Variants in IFT74 observed in about 807,000 individuals in gnomAD.
The protein encoded by IFT74 is intraflagellar transport protein 74 homolog.
In IFT74, 92 loss-of-function variants were observed where a neutral mutation model predicts 96.7. That is an observed-to-expected ratio of 0.95 (90% CI 0.80 to 1.13). The LOEUF is 1.13. Ranked by LOEUF, IFT74 falls within the 50% of genes most tolerant of loss-of-function variation. The pLI is 0.00. For synonymous variants in IFT74, 223 were observed against 213.2 expected (o/e 1.05, Z -0.40); for missense variants, 811 against 698.2 (o/e 1.16, Z -1.82).
chr9:27,022,441 T>C (rs1350628198), intron 12 of IFT74, among the ~76,000 whole-genome samples: 1 of 152,192 alleles, frequency 6.6e-6, no homozygotes, highest in African/African-American at 2.4e-5. Context: ...TTTCACAATA[T>C]TGATTCTAGC....
intron 6 of IFT74, among the ~76,000 whole-genome samples, chr9:26,988,206 C>T (rs1391310110): frequency 6.6e-6 from 1 of 152,104 alleles, no homozygotes; most frequent in Non-Finnish European, 1.5e-5. Flanking sequence ...CCCGCGTCAG[C>T]CTCCCAAAGT....
chr9:26,961,904 T>C (rs1256588648), intron 1 of IFT74, 45 bp from the exon 2 acceptor site: 1 of 1,594,020 alleles, frequency 6.3e-7, no homozygotes, highest in Non-Finnish European at 8.6e-7. Flanking sequence ...ATTGTCTTGC[T>C]AGAGAAGACA....
At chr9:26,976,269 G>A (rs1827122437) in intron 2 of IFT74, among the ~76,000 whole-genome samples, 4 of 152,148 alleles carry the variant, frequency 2.6e-5, no homozygotes, top group Admixed American at 2.0e-4. Context: ...CAAGCCCCCA[G>A]AATTGTTAGA....
rs780800808 is a variant in IFT74, at chr9:27,065,149, G to C, written c.*2413G>C. On this transcript the variant is annotated 3_prime_UTR_variant, in exon 20 of 20. Transcript: ENST00000380062. Reference sequence around the variant, plus strand: ...AAAAAATTTCTTGACAAAAAGCAAGGCTTTCAATTTCCATCCTAATTTATT... The same window carrying C: ...AAAAAATTTCTTGACAAAAAGCAAGCCTTTCAATTTCCATCCTAATTTATT... 5.3e-5 allele frequency among the ~76,000 whole-genome samples: 8 copies of C among 152,238 alleles called. No individual in the cohort carries two copies. Among genetic ancestry groups the C allele is most frequent in the South Asian group, 2.1e-4 (1 of 4,832 alleles).
chr9:27,012,162 C>G (rs1027213221), intron 10 of IFT74, among the ~76,000 whole-genome samples, 194 bp downstream of exon 10: 1 of 152,084 alleles, frequency 6.6e-6, no homozygotes, highest in African/African-American at 2.4e-5. Flanking sequence ...TATTGAGTAC[C>G]TACTATGTAT....
chr9:27,041,406 C>T (rs1819472193), intron 13 of IFT74, among the ~76,000 whole-genome samples: 1 of 152,132 alleles, frequency 6.6e-6, no homozygotes, highest in Non-Finnish European at 1.5e-5. Flanking sequence ...CTGTCTTACT[C>T]AGTTTGATAT....
rs1820120317 is a variant in IFT74, at chr9:27,055,494, A to G, written c.1334-115A>G. On this transcript the variant is annotated intron_variant, in intron 16 of 19. Coordinates refer to ENST00000380062, the MANE Select transcript of IFT74 (RefSeq NM_025103.4). ...TTATCTCACTGGTTACAGTGAACAT[A>G]TATTTCTTTTACAGATATTCTTAAA... is the stretch of plus-strand genomic sequence containing the variant. The G allele has an allele frequency of 1.6e-5, 11 of 701,094 alleles. No homozygotes were observed. In the East Asian group the frequency reaches 3.6e-4, roughly 23 times the overall value. The allele number at this position is 701,094 out of a possible 1,614,324, so 43.4% of individuals were successfully genotyped here.
intron 12 of IFT74, among the ~76,000 whole-genome samples, chr9:27,019,417 T>C (rs1829496300): frequency 6.6e-6 from 1 of 152,164 alleles, no homozygotes; most frequent in East Asian, 1.9e-4. Flanking sequence ...ATGCTTTCAC[T>C]TAGCACAGTG....
At chr9:27,000,800 T>A (rs149483120) in intron 8 of IFT74, among the ~76,000 whole-genome samples, 81 of 152,304 alleles carry the variant, frequency 5.3e-4, no homozygotes, top group Admixed American at 7.8e-4. Context: ...GTAACAAACC[T>A]GCATAACCTG....
At position 27,008,868 on chromosome 9, in the gene IFT74, A is replaced by AT. The variant is rs553248835; in HGVS notation, c.588-146dup. On this transcript the variant is annotated intron_variant, in intron 8 of 19. Coordinates refer to ENST00000380062, the MANE Select transcript of IFT74 (RefSeq NM_025103.4). The stretch of plus-strand genomic sequence containing the variant: ...CCAAATTTTATATAGGTCAAATAGC[A>AT]TTTTTTAGTACAAATATAAAGACTT... The AT allele has an allele frequency of 1.8e-3, 1,027 of 568,058 alleles. 4 individuals carry two copies. Among genetic ancestry groups the AT allele is most frequent in the Non-Finnish European group, 2.6e-3 (903 of 348,276 alleles). 35.2% of individuals were successfully genotyped at this position (568,058 alleles called of 1,614,324 possible). A position where few individuals can be genotyped will look rare whatever the true frequency, so the allele number is the denominator to read the frequency against.
intron 1 of IFT74, among the ~76,000 whole-genome samples, chr9:26,948,448 A>AATTTTTTTTT (rs1825819227): frequency 1.7e-5 from 1 of 59,162 alleles, no homozygotes; most frequent in Non-Finnish European, 3.8e-5. Context: ...GCTTTCCATT[A>AATTTTTTTTT]TTTTTTTTTT....
chr9:27,013,455 A>G (rs1270729657), intron 10 of IFT74, among the ~76,000 whole-genome samples: 2 of 152,222 alleles, frequency 1.3e-5, no homozygotes, highest in Non-Finnish European at 2.9e-5. Context: ...AAAGGTATAC[A>G]GTTTAAAAAT....
chr9:27,048,069 A>C (rs1041581360), intron 15 of IFT74, 79 bp from the exon 16 acceptor site: 1 of 937,474 alleles, frequency 1.1e-6, no homozygotes, highest in Non-Finnish European at 1.5e-6. Flanking sequence ...TCATCCTTTG[A>C]CAGTGTTTTC....
At chr9:26,996,173 C>A in intron 8 of IFT74, 1 of 602,196 alleles carries the variant, frequency 1.7e-6, no homozygotes, top group East Asian at 3.1e-5. Context: ...TTTGGAAGAG[C>A]AATATTTTGT....
At chr9:26,950,187 C>T (rs1825886641) in intron 1 of IFT74, among the ~76,000 whole-genome samples, 2 of 152,068 alleles carry the variant, frequency 1.3e-5, no homozygotes, top group Non-Finnish European at 2.9e-5. Context: ...TGGCACGCGC[C>T]TGTAGTCCCA....
At chr9:27,045,632 A>AT (rs1184125774) in intron 14 of IFT74, among the ~76,000 whole-genome samples, 1 of 152,096 alleles carries the variant, frequency 6.6e-6, no homozygotes, top group Admixed American at 6.5e-5. Context: ...TACATTTATA[A>AT]TTTTTTTAAA....
intron 18 of IFT74, among the ~76,000 whole-genome samples, chr9:27,058,427 C>T (rs1820270644): frequency 6.6e-6 from 1 of 150,840 alleles, no homozygotes; most frequent in African/African-American, 2.4e-5. Flanking sequence ...CTCTTGTCAC[C>T]CAGGCTGGAG....
rs146241894 is a variant in IFT74 at position 27,033,643 on chromosome 9, A to G, written c.1054+4539A>G. Among the ~76,000 whole-genome samples, 12 of 151,480 alleles carry G rather than the reference A, an allele frequency of 7.9e-5. No homozygotes were observed. In the East Asian group the frequency reaches 2.1e-3, roughly 27 times the overall value. On this transcript the variant is annotated intron_variant, in intron 13 of 19. Coordinates refer to ENST00000380062, the MANE Select transcript of IFT74 (RefSeq NM_025103.4). ...CTTCTGACAACCATTAGCTACCCCT[A>G]TGATTGTTGTTACATAGGATTCATT... is the stretch of plus-strand genomic sequence containing the variant.
At chr9:27,056,873 T>C (rs1023064093) in intron 18 of IFT74, among the ~76,000 whole-genome samples, 10 of 150,098 alleles carry the variant, frequency 6.7e-5, no homozygotes, top group Middle Eastern at 6.9e-3. Flanking sequence ...GATAGATAGA[T>C]AGATAGATAG....
Sources: allele counts gnomAD v4.1 joint callset (sites outside exome capture counted in the v4.1 genomes callset), GRCh38; gene constraint gnomAD v4.1.1; transcripts MANE v1.5; gene names NCBI Gene and HGNC (gene_info 2026-07-23, HGNC 2026-07-21).